The following CSNK1G1 variants were observed in gnomAD, a reference collection of about 807,000 sequenced individuals.
The protein encoded by CSNK1G1 is casein kinase I isoform gamma-1.
Under a neutral mutation model 59.6 loss-of-function variants are expected in CSNK1G1, and 22 were observed. The observed-to-expected ratio is 0.37, with a 90% CI of 0.26 to 0.53. The LOEUF is 0.53. Ranked by LOEUF, CSNK1G1 falls within the 20% of genes least tolerant of loss-of-function variation. CSNK1G1 has a pLI of 0.89. For synonymous variants in CSNK1G1, 179 were observed against 177.1 expected (o/e 1.01, Z -0.08); for missense variants, 384 against 519.5 (o/e 0.74, Z 2.54).
At position 64,171,684 on chromosome 15, in the gene CSNK1G1, A is replaced by G; in HGVS notation, c.*247T>C. 1 of 564,184 alleles carries G rather than the reference A, an allele frequency of 1.8e-6. No homozygotes were observed. Among genetic ancestry groups the G allele is most frequent in the Non-Finnish European group, 3.2e-6 (1 of 315,712 alleles). 34.9% of individuals were successfully genotyped at this position (564,184 alleles called of 1,614,324 possible). On this transcript the variant is annotated 3_prime_UTR_variant, in exon 12 of 12. Coordinates refer to ENST00000303052, the MANE Select transcript of CSNK1G1 (RefSeq NM_022048.5). This position sits in a 1 kb window ranked among gnomAD's most constrained non-coding sequence, Gnocchi z 4.8. ...GAAGGAGAGTCAACCAGGCAGCCCT[A>G]TGGGCAAGCAGTGGAGGAACAGCAG...
intron 4 of CSNK1G1, among the ~76,000 whole-genome samples, chr15:64,229,919 T>A (rs1479387205): frequency 3.8e-5 from 4 of 105,328 alleles, no homozygotes; most frequent in African/African-American, 1.5e-4. Context: ...TTTTTTTTTT[T>A]TTTTTTTTTT....
chr15:64,303,539 G>C (rs1285478059), intron 1 of CSNK1G1, among the ~76,000 whole-genome samples: 1 of 151,862 alleles, frequency 6.6e-6, no homozygotes, highest in Non-Finnish European at 1.5e-5. Context: ...ATCACCTGAG[G>C]TCAGGAGTTC....
intron 4 of CSNK1G1, among the ~76,000 whole-genome samples, chr15:64,235,349 C>T (rs1394200754): frequency 6.6e-6 from 1 of 152,116 alleles, no homozygotes; most frequent in African/African-American, 2.4e-5. Context: ...TTTTTATTGG[C>T]TTGTTTCACA....
At chr15:64,198,082 T>C (rs2082059123) in intron 10 of CSNK1G1, among the ~76,000 whole-genome samples, 1 of 152,082 alleles carries the variant, frequency 6.6e-6, no homozygotes, top group African/African-American at 2.4e-5. Context: ...AATTTGCAAC[T>C]TGGGATGCTT....
chr15:64,180,902 T>C (rs1162353386), intron 10 of CSNK1G1, among the ~76,000 whole-genome samples: 1 of 152,212 alleles, frequency 6.6e-6, no homozygotes, highest in Non-Finnish European at 1.5e-5. Flanking sequence ...GGCTGACTTC[T>C]AAAGGTAAAA....
intron 1 of CSNK1G1, among the ~76,000 whole-genome samples, chr15:64,353,114 C>T (rs1159046468): frequency 6.6e-6 from 1 of 151,940 alleles, no homozygotes; most frequent in East Asian, 1.9e-4. Flanking sequence ...GAAAATTTCT[C>T]ACAAATTTAC....
At chr15:64,319,132 G>C (rs1245218162) in intron 1 of CSNK1G1, among the ~76,000 whole-genome samples, 1 of 152,026 alleles carries the variant, frequency 6.6e-6, no homozygotes, top group African/African-American at 2.4e-5. Context: ...GAATTAACAA[G>C]CGTGAGCTAC....
At position 64,214,005 on chromosome 15, in the gene CSNK1G1, A is replaced by G; in HGVS notation, c.564T>C (p.Phe188=). The G allele has an allele frequency of 1.9e-6, 3 of 1,614,134 alleles. No individual in the cohort carries two copies. Among genetic ancestry groups the G allele is most frequent in the African/African-American group, 1.3e-5 (1 of 75,042 alleles). ...GGTCAATGTATTCCTTGGCCAGTCC[A>G]AAGTCTATAATGTGTATAACATGCT... ...KKEHVIHIID[F]GLAKEYIDPE... The change falls in exon 6 of 12, where the codon TTT becomes TTC. Residue 188 remains phenylalanine (F), a synonymous_variant. Transcript: ENST00000303052. This position sits in a 1 kb window ranked among gnomAD's most constrained non-coding sequence, Gnocchi z 4.3.
At chr15:64,196,031 A>G (rs2082034180) in intron 10 of CSNK1G1, among the ~76,000 whole-genome samples, 1 of 151,972 alleles carries the variant, frequency 6.6e-6, no homozygotes, top group Non-Finnish European at 1.5e-5. Flanking sequence ...GGAGTTTGAG[A>G]CCAGGAGGCC....
chr15:64,307,788 G>A (rs568907026), intron 1 of CSNK1G1, among the ~76,000 whole-genome samples: 37 of 152,238 alleles, frequency 2.4e-4, no homozygotes, highest in East Asian at 5.8e-4. Context: ...CCGGGTTCAC[G>A]CCATTCTCCT....
chr15:64,302,512 C>T (rs987361464), intron 1 of CSNK1G1, among the ~76,000 whole-genome samples: 6 of 152,142 alleles, frequency 3.9e-5, no homozygotes, highest in Non-Finnish European at 7.4e-5. Flanking sequence ...AAAATCAAAG[C>T]GATCAAAGGA....
At chr15:64,258,250 T>C (rs1384474947) in intron 3 of CSNK1G1, among the ~76,000 whole-genome samples, 2 of 152,024 alleles carry the variant, frequency 1.3e-5, no homozygotes. Context: ...TGGTGGCATG[T>C]AGTCTGTAGT....
chr15:64,257,161 A>C (rs1488552408), intron 3 of CSNK1G1, among the ~76,000 whole-genome samples: 1 of 151,758 alleles, frequency 6.6e-6, no homozygotes, highest in African/African-American at 2.4e-5. Context: ...TAAGAGTTCC[A>C]TTTTTAGCTT....
rs1403890979 is a variant in CSNK1G1, at chr15:64,214,441, T to C, written c.445-317A>G. ...GTTGTTTATATGCTACGTCAGAAAA[T>C]TAAGCATTTGAGACAAAAGAAGTAT... On this transcript the variant is annotated intron_variant, in intron 5 of 11. Coordinates refer to ENST00000303052, the MANE Select transcript of CSNK1G1 (RefSeq NM_022048.5). The surrounding 1 kb of genome is among the most constrained non-coding windows in gnomAD (Gnocchi z 4.3). Among the ~76,000 whole-genome samples, 1 of 152,154 alleles carries C rather than the reference T, an allele frequency of 6.6e-6. No homozygotes were observed. The highest frequency in any genetic ancestry group is 1.5e-5 in the Non-Finnish European group (1 of 68,028).
intron 1 of CSNK1G1, among the ~76,000 whole-genome samples, chr15:64,355,302 T>C (rs1410071667): frequency 1.3e-5 from 2 of 152,212 alleles, no homozygotes; most frequent in African/African-American, 2.4e-5. Context: ...TGGTTGAATA[T>C]GTCATTCAGG....
At chr15:64,343,631 T>C (rs963599044) in intron 1 of CSNK1G1, among the ~76,000 whole-genome samples, 1 of 152,048 alleles carries the variant, frequency 6.6e-6, no homozygotes, top group Non-Finnish European at 1.5e-5. Flanking sequence ...ATTACTGTAA[T>C]GTTGACAGAT....
rs973977752 is a variant in CSNK1G1, at chr15:64,346,260, TG to T, written c.-225+9727del. Among the ~76,000 whole-genome samples the T allele has an allele frequency of 1.8e-3, 269 of 150,668 alleles. 1 individual carries two copies. Among genetic ancestry groups the T allele is most frequent in the African/African-American group, 6.2e-3 (255 of 41,158 alleles). ...AAAAATAAATTAAAAAAAAAACAAT[TG>T]GTCACCCATGTGCATGCATATACAC... On this transcript the variant is annotated intron_variant, in intron 1 of 11. Transcript: ENST00000303052.
intron 1 of CSNK1G1, among the ~76,000 whole-genome samples, chr15:64,336,302 CA>C (rs1745486048): frequency 1.3e-5 from 2 of 152,126 alleles, no homozygotes; most frequent in Non-Finnish European, 2.9e-5. Flanking sequence ...AATTACAAAG[CA>C]AAACCACAAT....
intron 1 of CSNK1G1, among the ~76,000 whole-genome samples, chr15:64,350,537 G>A (rs1898231498): frequency 6.6e-6 from 1 of 151,858 alleles, no homozygotes; most frequent in African/African-American, 2.4e-5. Context: ...TGAACAGTGA[G>A]AATTAAAAGA....
Sources: allele counts gnomAD v4.1 joint callset (sites outside exome capture counted in the v4.1 genomes callset), GRCh38; gene constraint gnomAD v4.1.1; non-coding constraint Gnocchi (gnomAD v3.1); transcripts MANE v1.5; gene names NCBI Gene and HGNC (gene_info 2026-07-23, HGNC 2026-07-21).